The following TPRX1 variants were observed in gnomAD, a reference collection of about 807,000 sequenced individuals.
TPRX1 encodes the protein tetra-peptide repeat homeobox protein 1.
A neutral mutation model predicts 8.1 loss-of-function variants in TPRX1; 2 were observed. The observed-to-expected ratio is 0.25, with a 90% CI of 0.10 to 0.78. TPRX1 has a LOEUF of 0.78. TPRX1 is among the 30% of genes least tolerant of loss of function. The pLI is 0.70. For synonymous variants in TPRX1, 257 were observed against 254.1 expected, an observed-to-expected ratio of 1.01 and a Z score of -0.11; for missense variants, 517 against 586.9, an observed-to-expected ratio of 0.88 and a Z score of 1.23.
chr19:47,808,497 A>C (rs2123715470), intron 2 of TPRX1, among the ~76,000 whole-genome samples: 1 of 151,538 alleles, frequency 6.6e-6, no homozygotes, highest in Admixed American at 6.6e-5. Context: ...TCTGCACTTT[A>C]ATGCAGATAT....
chr19:47,815,114 T>TTATATATATATATATATATATATA (rs548380113), intron 2 of TPRX1, among the ~76,000 whole-genome samples: 15 of 63,362 alleles, frequency 2.4e-4, no homozygotes, highest in Non-Finnish European at 3.6e-4. Context: ...AATAGATAAA[T>TTATATATATATATATATATATATA]TATATATATA....
chr19:47,817,072 G>T (rs1967850747), intron 2 of TPRX1, among the ~76,000 whole-genome samples: 1 of 152,182 alleles, frequency 6.6e-6, no homozygotes, highest in South Asian at 2.1e-4. Context: ...GTGGAGTTCG[G>T]CACCCACTGG....
chr19:47,815,765 T>C (rs949363405), intron 2 of TPRX1, among the ~76,000 whole-genome samples: 1 of 149,940 alleles, frequency 6.7e-6, no homozygotes, highest in Non-Finnish European at 1.5e-5. Flanking sequence ...TCAGCCGAGA[T>C]CACGTCACTG....
intron 2 of TPRX1, among the ~76,000 whole-genome samples, chr19:47,812,269 T>C (rs1339110829): frequency 6.6e-6 from 1 of 152,110 alleles, no homozygotes; most frequent in Middle Eastern, 3.2e-3. Context: ...GGGAACTCGT[T>C]GTTCAAGTGG....
chr19:47,817,448 A>C (rs1428207676), intron 2 of TPRX1, among the ~76,000 whole-genome samples: 4 of 152,116 alleles, frequency 2.6e-5, no homozygotes, highest in African/African-American at 9.7e-5. Context: ...CCTGATCACC[A>C]GGTGATATGG....
At chr19:47,801,668 A>G in exon 4 of TPRX1, 1 of 1,323,208 alleles carries the variant, frequency 7.6e-7, no homozygotes, top group African/African-American at 1.5e-5. Flanking sequence ...GTCCACCTGC[A>G]GCAGGGTGGG....
intron 2 of TPRX1, among the ~76,000 whole-genome samples, chr19:47,814,932 TG>T (rs1199598915): frequency 6.6e-6 from 1 of 150,772 alleles, no homozygotes; most frequent in Non-Finnish European, 1.5e-5. Context: ...CCCAAGTAGC[TG>T]GGATTACAGG....
chr19:47,817,518 A>T (rs1285380279), intron 2 of TPRX1, among the ~76,000 whole-genome samples: 2 of 152,158 alleles, frequency 1.3e-5, no homozygotes, highest in African/African-American at 4.8e-5. Flanking sequence ...CAGAGGAGGA[A>T]ACTGAGGCTG....
chr19:47,810,508 C>G (rs1289154891), intron 2 of TPRX1, among the ~76,000 whole-genome samples: 1 of 150,044 alleles, frequency 6.7e-6, no homozygotes, highest in African/African-American at 2.5e-5. Context: ...ACCACCACGC[C>G]CGGCTAATTT....
chr19:47,807,694 G>T (rs1246534153), intron 2 of TPRX1, among the ~76,000 whole-genome samples: 2 of 152,086 alleles, frequency 1.3e-5, no homozygotes, highest in East Asian at 1.9e-4. Flanking sequence ...ACTTTAAGTG[G>T]GTACTTTTAT....
chr19:47,802,884 C>T (rs1967693634), exon 4 of TPRX1: 3 of 1,585,616 alleles, frequency 1.9e-6, no homozygotes, highest in Non-Finnish European at 1.7e-6. Context: ...AGGGGCGCAG[C>T]GCGGGCTCCT....
chr19:47,804,242 A>G (rs867865587), intron 2 of TPRX1, among the ~76,000 whole-genome samples: 2,291 of 149,392 alleles, frequency 0.015, no homozygotes, highest in African/African-American at 0.055. Flanking sequence ...TTTGCTAAAG[A>G]CGGGTCTCCA....
chr19:47,805,184 G>T (rs1182909861), intron 2 of TPRX1, among the ~76,000 whole-genome samples: 2 of 152,210 alleles, frequency 1.3e-5, no homozygotes, highest in Non-Finnish European at 2.9e-5. Context: ...ATGGGGTGAA[G>T]TTCTGATAGG....
intron 2 of TPRX1, among the ~76,000 whole-genome samples, chr19:47,806,246 C>T (rs966737522): frequency 1.0e-4 from 15 of 150,046 alleles, no homozygotes; most frequent in Admixed American, 7.3e-4. Context: ...TGGCTGGGCA[C>T]GGTGGCTCAC....
chr19:47,810,917 T>C (rs1967777070), intron 2 of TPRX1, among the ~76,000 whole-genome samples: 1 of 150,836 alleles, frequency 6.6e-6, no homozygotes, highest in Non-Finnish European at 1.5e-5. Context: ...AGAATCTTGT[T>C]GTTCAATGTC....
intron 2 of TPRX1, among the ~76,000 whole-genome samples, chr19:47,818,312 C>CCCATCCATCCATCCATCCATCATCCAT (rs1967865736): frequency 9.8e-6 from 1 of 101,826 alleles, no homozygotes; most frequent in African/African-American, 5.1e-5. Context: ...CCATCCATCA[C>CCCATCCATCCATCCATCCATCATCCAT]CCATCCATCC....
chr19:47,801,840 G>A (rs756477815), exon 4 of TPRX1: 57 of 1,614,056 alleles, frequency 3.5e-5, no homozygotes, highest in Non-Finnish European at 4.7e-5. Context: ...TCCTCTTGGG[G>A]CTGAGACCCT....
At chr19:47,810,834 T>C (rs62131863) in intron 2 of TPRX1, among the ~76,000 whole-genome samples, 39,453 of 151,260 alleles carry the variant, frequency 0.26, 5,582 homozygotes, top group Middle Eastern at 0.36. Flanking sequence ...AAGGAGTTGT[T>C]TGGGCTTTGA....
intron 3 of TPRX1, 107 bp from the exon 3 acceptor site, chr19:47,803,087 C>T (rs1393888448): frequency 7.8e-7 from 1 of 1,287,532 alleles, no homozygotes; most frequent in Middle Eastern, 2.7e-4. Context: ...TGCTCAACAG[C>T]CCCCCATCCC....
Sources: gnomAD v4.1 joint callset for allele counts (sites outside exome capture counted in the v4.1 genomes callset) on GRCh38, gnomAD v4.1.1 for gene constraint, MANE v1.5 for transcripts, NCBI Gene and HGNC (gene_info 2026-07-23, HGNC 2026-07-21) for gene names.